The following FRMD4A variants were observed in gnomAD, a reference collection of about 807,000 sequenced individuals.
The protein encoded by FRMD4A is FERM domain containing 4A, also known as FERM domain-containing protein 4A.
Under a neutral mutation model 129.1 loss-of-function variants are expected in FRMD4A, and 29 were observed. The ratio of observed to expected loss-of-function variants is 0.22; its 90% CI spans 0.17 to 0.31. The LOEUF (loss-of-function observed/expected upper bound fraction) is 0.31. Ranked by LOEUF, FRMD4A falls within the 10% of genes least tolerant of loss-of-function variation. The probability of loss-of-function intolerance (pLI) is 1.00; values close to 1 mark genes in which losing one functional copy is unlikely to be tolerated. For missense variants in FRMD4A, 1,272 were observed against 1,375.8 expected (o/e 0.92, Z 1.19); for synonymous variants, 634 against 571.6 (o/e 1.11, Z -1.56).
At chr10:14,089,618 C>CAAAAAAAAAA (rs369054869) in intron 2 of FRMD4A, among the ~76,000 whole-genome samples, 1 of 79,620 alleles carries the variant, frequency 1.3e-5, no homozygotes, top group Non-Finnish European at 2.0e-5. Flanking sequence ...CCTTTTCAAG[C>CAAAAAAAAAA]AAAAAAAAAA....
chr10:14,155,778 G>A (rs1360534743), intron 2 of FRMD4A, among the ~76,000 whole-genome samples: 2 of 152,148 alleles, frequency 1.3e-5, no homozygotes, highest in Admixed American at 6.5e-5. Context: ...AAGCCATCAA[G>A]TAATCTCTCT....
intron 2 of FRMD4A, among the ~76,000 whole-genome samples, chr10:13,935,663 C>T (rs1365413773): frequency 6.6e-6 from 1 of 152,054 alleles, no homozygotes; most frequent in Non-Finnish European, 1.5e-5. Context: ...AAGCAGGGAA[C>T]AGCCTCTAGG....
At chr10:14,160,422 A>AC (rs1840824560) in intron 2 of FRMD4A, among the ~76,000 whole-genome samples, 1 of 152,194 alleles carries the variant, frequency 6.6e-6, no homozygotes, top group Admixed American at 6.5e-5. Context: ...AGGCAACAAC[A>AC]CAAAAATAGA....
At chr10:14,305,813 C>A (rs11595554) in intron 2 of FRMD4A, among the ~76,000 whole-genome samples, 13,721 of 152,188 alleles carry the variant, frequency 0.09, 755 homozygotes, top group Middle Eastern at 0.23. Context: ...AGAAAGAGAT[C>A]GTATCCTTTG....
chr10:14,025,993 T>C (rs535924212), intron 2 of FRMD4A, among the ~76,000 whole-genome samples: 1 of 152,258 alleles, frequency 6.6e-6, no homozygotes, highest in East Asian at 1.9e-4. Context: ...GCTGTGACTG[T>C]AGTAACAAAA....
At chr10:13,812,402 G>A (rs1021206123) in intron 3 of FRMD4A, among the ~76,000 whole-genome samples, 3 of 152,250 alleles carry the variant, frequency 2.0e-5, no homozygotes, top group Middle Eastern at 3.4e-3. Context: ...TGCCATGTGG[G>A]GCCAAAATGC....
Position 13,657,382 on chromosome 10 carries a change from C to T in FRMD4A, c.2207G>A (p.Arg736His). The change falls in exon 22 of 25, where the codon CGT (arginine) becomes CAT (histidine). Residue 736 changes from arginine to histidine, a missense_variant. Coordinates refer to ENST00000357447, the MANE Select transcript of FRMD4A (RefSeq NM_018027.5). Reference sequence around the variant, plus strand: ...CATGGGGTCTGAGCCGTTGCTGCTACGAGTCCGCGGGGTGTAGAAGTCGGG... The same window carrying T: ...CATGGGGTCTGAGCCGTTGCTGCTATGAGTCCGCGGGGTGTAGAAGTCGGG... Reference protein sequence around the residue: ...GSPDFYTPRTRSSNGSDPMDD... With the variant: ...GSPDFYTPRTHSSNGSDPMDD... The T allele has an allele frequency of 6.2e-7, 1 of 1,612,624 alleles. No individual in the cohort carries two copies.
intron 2 of FRMD4A, among the ~76,000 whole-genome samples, chr10:13,905,491 T>A (rs981149812): frequency 6.6e-6 from 1 of 152,192 alleles, no homozygotes; most frequent in Non-Finnish European, 1.5e-5. Flanking sequence ...TTTCAAATCT[T>A]CAGAGAATGC....
chr10:14,060,088 C>T (rs181755674), intron 2 of FRMD4A, among the ~76,000 whole-genome samples: 53 of 152,256 alleles, frequency 3.5e-4, no homozygotes, highest in Non-Finnish European at 6.0e-4. Context: ...CAGTAGCTGG[C>T]GTTTATTGCA....
At chr10:14,149,578 C>T (rs1268678665) in intron 2 of FRMD4A, among the ~76,000 whole-genome samples, 1 of 152,162 alleles carries the variant, frequency 6.6e-6, no homozygotes, top group Admixed American at 6.5e-5. Flanking sequence ...CATCATAGCT[C>T]ACTGCAGCCT....
rs1295797666 is a variant in FRMD4A, at chr10:14,009,577, G to A, written c.46-150665C>T. On this transcript the variant is annotated intron_variant, in intron 2 of 24. Transcript: ENST00000357447. ...TGGGGGTGGGGTGCGAAGGAAAGAAGCAGAGTTTTGTACTATGAGAAAATG... is the reference window on the plus strand; with the variant it reads ...TGGGGGTGGGGTGCGAAGGAAAGAAACAGAGTTTTGTACTATGAGAAAATG... Among the ~76,000 whole-genome samples, 6 of 152,350 alleles carry A rather than the reference G, an allele frequency of 3.9e-5. No individual in the cohort carries two copies. The South Asian group carries it at 1.0e-3, about 26-fold the overall frequency.
chr10:13,689,386 A>G (rs1229138030), intron 15 of FRMD4A, among the ~76,000 whole-genome samples: 1 of 151,964 alleles, frequency 6.6e-6, no homozygotes, highest in African/African-American at 2.4e-5. Flanking sequence ...CAAGATGGAT[A>G]CTACTGCAGG....
At chr10:13,884,508 T>C (rs909525992) in intron 2 of FRMD4A, among the ~76,000 whole-genome samples, 13 of 152,326 alleles carry the variant, frequency 8.5e-5, no homozygotes, top group Admixed American at 8.5e-4. Flanking sequence ...AAAAGCTTTT[T>C]CTGATCTTTT....
intron 2 of FRMD4A, among the ~76,000 whole-genome samples, chr10:14,001,791 A>C (rs2095643668): frequency 6.6e-6 from 1 of 152,182 alleles, no homozygotes; most frequent in Non-Finnish European, 1.5e-5. Context: ...ATGCAGGATG[A>C]GGGGGCTGGC....
At position 13,890,507 on chromosome 10, in the gene FRMD4A, C is replaced by G. The variant is rs1235678897; in HGVS notation, c.46-31595G>C. The G allele has an allele frequency of 6.2e-6, 6 of 974,286 alleles. No individual in the cohort carries two copies. In the East Asian group the frequency reaches 5.7e-4, roughly 93 times the overall value. The allele number at this position is 974,286 out of a possible 1,614,324, so 60.4% of individuals were successfully genotyped here. ...TGCAGAGGTGGAAGGGGGGTACCAG[C>G]AGCTGAACCCTCAATCAGGTCCAGG... On this transcript the variant is annotated intron_variant, in intron 2 of 24. Coordinates refer to ENST00000357447, the MANE Select transcript of FRMD4A (RefSeq NM_018027.5).
intron 24 of FRMD4A, among the ~76,000 whole-genome samples, chr10:13,648,990 A>G (rs1362998859): frequency 6.6e-6 from 1 of 150,682 alleles, no homozygotes; most frequent in Admixed American, 6.6e-5. Flanking sequence ...ATGTAAATGT[A>G]TATGAAACAT....
chr10:14,047,003 C>A (rs912687351), intron 2 of FRMD4A, among the ~76,000 whole-genome samples: 5 of 152,146 alleles, frequency 3.3e-5, no homozygotes, highest in Non-Finnish European at 7.3e-5. Context: ...TGTCCACAGT[C>A]CTGATTTGTC....
At chr10:14,301,705 CTA>C in intron 2 of FRMD4A, among the ~76,000 whole-genome samples, 1 of 152,134 alleles carries the variant, frequency 6.6e-6, no homozygotes, top group South Asian at 2.1e-4. Flanking sequence ...TCTTCTTTTT[CTA>C]TAAGAAAACA....
chr10:14,311,126 T>C (rs1218413), intron 2 of FRMD4A, among the ~76,000 whole-genome samples: 87,410 of 151,870 alleles, frequency 0.58, 25,445 homozygotes, highest in African/African-American at 0.66. Context: ...TCTGTGTGTC[T>C]GTGGCCACCA....
Sources: allele counts gnomAD v4.1 joint callset (sites outside exome capture counted in the v4.1 genomes callset), GRCh38; gene constraint gnomAD v4.1.1; transcripts MANE v1.5; gene names NCBI Gene and HGNC (gene_info 2026-07-23, HGNC 2026-07-21).